Variants in FAT3 observed in about 807,000 individuals in gnomAD.
FAT3 encodes the protein FAT atypical cadherin 3, also known as protocadherin Fat 3.
In FAT3, 95 loss-of-function variants were observed where a neutral mutation model predicts 310.2. The observed-to-expected ratio is 0.31, with a 90% CI of 0.26 to 0.36. The LOEUF (loss-of-function observed/expected upper bound fraction) is 0.36, where lower values mean the gene tolerates loss of function less well. Among genes scored for constraint, FAT3 ranks in the 10% least tolerant of loss-of-function variants. The pLI, the probability that FAT3 is intolerant of heterozygous loss-of-function variation, is 1.00. For missense variants in FAT3, 5,408 were observed against 5,715.6 expected (o/e 0.95, Z 1.74); for synonymous variants, 2,314 against 2,192.9 (o/e 1.06, Z -1.54).
intron 2 of FAT3, among the ~76,000 whole-genome samples, chr11:92,459,585 G>A (rs1161322209): frequency 1.3e-5 from 2 of 152,174 alleles, no homozygotes; most frequent in Non-Finnish European, 2.9e-5. Flanking sequence ...GCCTATGCCT[G>A]GAAGAAGAGG....
intron 4 of FAT3, among the ~76,000 whole-genome samples, chr11:92,708,705 T>G (rs1406319824): frequency 6.6e-6 from 1 of 152,254 alleles, no homozygotes; most frequent in Non-Finnish European, 1.5e-5. Context: ...CTTATGATAC[T>G]TTAATAAGAT....
At chr11:92,665,547 G>A (rs1041079024) in intron 3 of FAT3, among the ~76,000 whole-genome samples, 5 of 152,164 alleles carry the variant, frequency 3.3e-5, no homozygotes, top group African/African-American at 1.2e-4. Flanking sequence ...TAACTTCCCT[G>A]AATTGAATTG....
At chr11:92,845,295 G>A (rs1362777713) in intron 19 of FAT3, among the ~76,000 whole-genome samples, 1 of 152,250 alleles carries the variant, frequency 6.6e-6, no homozygotes, top group Non-Finnish European at 1.5e-5. Context: ...CTGATGAGAA[G>A]CGAAGAAATG....
rs1207012132 is a variant in FAT3, at chr11:92,844,432, A to G, written c.11065A>G (p.Ser3689Gly). Residue 3689 changes from serine to glycine, a missense_variant, in exon 19 of 28, where the codon AGC (serine) becomes GGC (glycine). Coordinates refer to ENST00000525166, the MANE Select transcript of FAT3 (RefSeq NM_001367949.2). Reference sequence around the variant, plus strand: ...GAAGCAGGACAGCCTGCGCATCATCAGCATCCAGCCCGTGGCAGGCACCAA... The same window carrying G: ...GAAGCAGGACAGCCTGCGCATCATCGGCATCCAGCCCGTGGCAGGCACCAA... Reference protein sequence around the residue: ...TQKQDSLRIISIQPVAGTNQL... With the variant: ...TQKQDSLRIIGIQPVAGTNQL... The G allele has an allele frequency of 6.2e-7, 1 of 1,614,024 alleles. No individual in the cohort carries two copies. Among genetic ancestry groups the G allele is most frequent in the Non-Finnish European group, 8.5e-7 (1 of 1,179,888 alleles).
At chr11:92,752,828 T>G (rs933682944) in intron 4 of FAT3, among the ~76,000 whole-genome samples, 1 of 152,186 alleles carries the variant, frequency 6.6e-6, no homozygotes, top group African/African-American at 2.4e-5. Context: ...TGAGTAAGTT[T>G]AATATGCGAT....
chr11:92,663,293 G>C (rs1437857943), intron 3 of FAT3, among the ~76,000 whole-genome samples: 1 of 152,174 alleles, frequency 6.6e-6, no homozygotes, highest in Non-Finnish European at 1.5e-5. Flanking sequence ...GGTTGAAGGA[G>C]TTAAGGGTGG....
intron 1 of FAT3, among the ~76,000 whole-genome samples, chr11:92,335,584 CAT>C (rs1565234869): frequency 2.6e-5 from 4 of 152,174 alleles, no homozygotes; most frequent in African/African-American, 9.6e-5. Context: ...TATTTAGAAA[CAT>C]ATATATATTT....
chr11:92,645,598 G>A (rs1942127235), intron 3 of FAT3, among the ~76,000 whole-genome samples: 1 of 151,326 alleles, frequency 6.6e-6, no homozygotes, highest in Admixed American at 6.6e-5. Context: ...TAGTAACTTA[G>A]TCTACTAAAT....
intron 2 of FAT3, among the ~76,000 whole-genome samples, chr11:92,373,480 G>A (rs1247415729): frequency 1.3e-5 from 2 of 152,016 alleles, no homozygotes; most frequent in Non-Finnish European, 2.9e-5. Context: ...GGATCTTTTT[G>A]TGCACATTTT....
intron 2 of FAT3, among the ~76,000 whole-genome samples, chr11:92,478,499 T>C (rs1180433258): frequency 6.6e-6 from 1 of 152,206 alleles, no homozygotes; most frequent in Non-Finnish European, 1.5e-5. Flanking sequence ...GGAGATGATA[T>C]AGGGTCTTCT....
chr11:92,832,313 G>A (rs1218695279), intron 14 of FAT3, among the ~76,000 whole-genome samples: 1 of 152,086 alleles, frequency 6.6e-6, no homozygotes, highest in Non-Finnish European at 1.5e-5. Context: ...TGCAGCCTGG[G>A]CAGCAGGGGA....
At chr11:92,672,892 T>A (rs1190014656) in intron 3 of FAT3, among the ~76,000 whole-genome samples, 1 of 152,212 alleles carries the variant, frequency 6.6e-6, no homozygotes, top group Non-Finnish European at 1.5e-5. Flanking sequence ...TTATGATTCC[T>A]CTTTTGGATT....
chr11:92,616,223 A>G, intron 3 of FAT3, among the ~76,000 whole-genome samples: 1 of 152,144 alleles, frequency 6.6e-6, no homozygotes, highest in Middle Eastern at 3.2e-3. Context: ...TCCCTTTACC[A>G]TTATGTAATG....
chr11:92,767,868 G>C (rs1946355452), intron 6 of FAT3, among the ~76,000 whole-genome samples: 1 of 152,236 alleles, frequency 6.6e-6, no homozygotes, highest in African/African-American at 2.4e-5. Flanking sequence ...AGATACCCCA[G>C]GCAGCCACTA....
intron 1 of FAT3, among the ~76,000 whole-genome samples, chr11:92,277,243 G>T (rs746611338): frequency 8.5e-5 from 13 of 152,138 alleles, no homozygotes; most frequent in Non-Finnish European, 1.0e-4. Context: ...CATCTAGAAG[G>T]TTGTTTTTTA....
At chr11:92,746,752 A>C (rs1158973562) in intron 4 of FAT3, among the ~76,000 whole-genome samples, 1 of 152,196 alleles carries the variant, frequency 6.6e-6, no homozygotes, top group Non-Finnish European at 1.5e-5. Context: ...ACCCATTCCA[A>C]ATGGGAGAAA....
At chr11:92,411,170 A>G (rs1416626027) in intron 2 of FAT3, among the ~76,000 whole-genome samples, 1 of 145,098 alleles carries the variant, frequency 6.9e-6, no homozygotes, top group Non-Finnish European at 1.5e-5. Context: ...TAATATATAT[A>G]TAAATATATG....
At chr11:92,839,334 A>G (rs1298031759) in intron 17 of FAT3, among the ~76,000 whole-genome samples, 1 of 152,194 alleles carries the variant, frequency 6.6e-6, no homozygotes, top group Non-Finnish European at 1.5e-5. Flanking sequence ...TCTATGCAGG[A>G]AGCGGCCTTT....
In FAT3 at chr11:92,831,639, G is replaced by T. The variant is rs184114723; in HGVS notation, c.9499G>T (p.Val3167Leu). The change falls in exon 14 of 28, where the codon GTG (valine) becomes TTG (leucine). Residue 3167 changes from valine to leucine, a missense_variant. Physicochemically the swap from Val to Leu is conservative, Grantham distance 32. Transcript: ENST00000525166. ...TCCCACAGGCATCAATAGGAAGGTC[G>T]TGTACTCCCTGGCAGACTCAGCTGG... Reference protein sequence around the residue: ...DPDIGINRKVVYSLADSAGGV... With the variant: ...DPDIGINRKVLYSLADSAGGV... 3 of 1,612,186 alleles carry T rather than the reference G, an allele frequency of 1.9e-6. No homozygotes were observed. The highest frequency in any genetic ancestry group is 2.5e-6 in the Non-Finnish European group (3 of 1,179,454).
Sources: gnomAD v4.1 joint callset for allele counts (sites outside exome capture counted in the v4.1 genomes callset) on GRCh38, gnomAD v4.1.1 for gene constraint, MANE v1.5 for transcripts, NCBI Gene and HGNC (gene_info 2026-07-23, HGNC 2026-07-21) for gene names.